Variants in PTN observed in about 807,000 individuals in gnomAD.
The protein encoded by PTN is heparin affin regulatory protein.
In PTN, 18 loss-of-function variants were observed where a neutral mutation model predicts 24.1. The observed-to-expected ratio is 0.75, with a 90% CI of 0.52 to 1.11. PTN has a LOEUF of 1.11. PTN is among the 50% of genes least tolerant of loss of function. The pLI is 0.00. For synonymous variants in PTN, 78 were observed against 68.6 expected (o/e 1.14, Z -0.67); for missense variants, 163 against 198.8 (o/e 0.82, Z 1.08).
intron 1 of PTN, among the ~76,000 whole-genome samples, chr7:137,310,744 A>T (rs1253837564): frequency 6.6e-6 from 1 of 152,118 alleles, no homozygotes; most frequent in Non-Finnish European, 1.5e-5. Flanking sequence ...AAAATGTGTT[A>T]TTTAGTGTAG....
chr7:137,295,998 A>T (rs1809712465), intron 1 of PTN, among the ~76,000 whole-genome samples: 1 of 152,040 alleles, frequency 6.6e-6, no homozygotes, highest in South Asian at 2.1e-4. Context: ...CAAGATTCAA[A>T]AGCCTGGGTA....
intron 4 of PTN, among the ~76,000 whole-genome samples, chr7:137,237,106 C>T (rs931242091): frequency 6.6e-6 from 1 of 152,140 alleles, no homozygotes; most frequent in Admixed American, 6.6e-5. Context: ...GAACTCCTAA[C>T]CCTTGTATCT....
At chr7:137,289,473 A>T (rs1389310625) in intron 1 of PTN, among the ~76,000 whole-genome samples, 1 of 152,216 alleles carries the variant, frequency 6.6e-6, no homozygotes, top group Non-Finnish European at 1.5e-5. Flanking sequence ...TTCACAGATG[A>T]CATTAAGGTT....
intron 4 of PTN, among the ~76,000 whole-genome samples, chr7:137,249,431 T>C (rs2054384220): frequency 6.6e-6 from 1 of 152,134 alleles, no homozygotes; most frequent in Admixed American, 6.5e-5. Context: ...CTACTGATGC[T>C]GATTGGGTTA....
At chr7:137,334,206 C>G (rs1269363242) in intron 1 of PTN, among the ~76,000 whole-genome samples, 4 of 148,294 alleles carry the variant, frequency 2.7e-5, no homozygotes, top group African/African-American at 9.9e-5. Context: ...TCTAATTAAA[C>G]TAAAGAGCTT....
intron 1 of PTN, among the ~76,000 whole-genome samples, chr7:137,311,746 G>T (rs1026985591): frequency 6.6e-6 from 1 of 152,116 alleles, no homozygotes; most frequent in Non-Finnish European, 1.5e-5. Flanking sequence ...ATCTTATACA[G>T]GTGTAGTTCA....
At chr7:137,281,074 T>C (rs1258701718) in intron 1 of PTN, among the ~76,000 whole-genome samples, 2 of 151,992 alleles carry the variant, frequency 1.3e-5, no homozygotes, top group Non-Finnish European at 2.9e-5. Flanking sequence ...ATAACATTGG[T>C]TTGGAGACTA....
In PTN at chr7:137,317,588, T is replaced by G. The variant is rs529395540; in HGVS notation, c.-2+25851A>C. 1.7e-4 allele frequency among the ~76,000 whole-genome samples: 26 copies of G among 152,322 alleles called. No homozygotes were observed. The East Asian group carries it at 4.2e-3, about 25-fold the overall frequency. On this transcript the variant is annotated intron_variant, in intron 1 of 4. Transcript: ENST00000348225. ...CCTTTTCATCCCAGAAACTGTAAAA[T>G]GTTCTCATCCTACAGCATTTGTTGT...
intron 1 of PTN, among the ~76,000 whole-genome samples, chr7:137,316,159 C>T (rs1012582071): frequency 3.3e-5 from 5 of 152,166 alleles, no homozygotes; most frequent in South Asian, 2.1e-4. Context: ...GCCGTTGTTG[C>T]TCTCAAGGCA....
intron 4 of PTN, among the ~76,000 whole-genome samples, chr7:137,243,874 G>A (rs1808676160): frequency 6.6e-6 from 1 of 152,168 alleles, no homozygotes; most frequent in African/African-American, 2.4e-5. Context: ...TCAGTGACAT[G>A]TGGTGTGAGT....
chr7:137,337,654 CA>C (rs1344677162), intron 1 of PTN, among the ~76,000 whole-genome samples: 2 of 152,060 alleles, frequency 1.3e-5, no homozygotes, highest in African/African-American at 4.8e-5. Flanking sequence ...TTAAAATTAT[CA>C]AGGTGAAATA....
intron 4 of PTN, among the ~76,000 whole-genome samples, chr7:137,247,098 T>C (rs1262061812): frequency 1.3e-5 from 2 of 152,200 alleles, no homozygotes; most frequent in East Asian, 3.9e-4. Flanking sequence ...ATGTACTCTT[T>C]CCTGAAGGAA....
rs182843736 is a variant in PTN, at chr7:137,315,103, G to C, written c.-2+28336C>G. On this transcript the variant is annotated intron_variant, in intron 1 of 4. Transcript: ENST00000348225. Reference sequence around the variant, plus strand: ...ATAGATAGGATAGAGGGATTGGTTTGGCTGTGTTCTCGGGCTTGACGGTGA... The same window carrying C: ...ATAGATAGGATAGAGGGATTGGTTTCGCTGTGTTCTCGGGCTTGACGGTGA... Among the ~76,000 whole-genome samples the C allele has an allele frequency of 1.0e-3, 157 of 152,268 alleles. 6 individuals are homozygous for C. Among genetic ancestry groups the C allele is most frequent in the South Asian group, 6.4e-3 (31 of 4,818 alleles).
At chr7:137,322,850 T>A (rs1343439186) in intron 1 of PTN, among the ~76,000 whole-genome samples, 1 of 152,192 alleles carries the variant, frequency 6.6e-6, no homozygotes, top group Middle Eastern at 3.2e-3. Flanking sequence ...CAAGAATCCA[T>A]TAAAGTGAGT....
intron 1 of PTN, among the ~76,000 whole-genome samples, chr7:137,262,704 CA>C (rs1203650324): frequency 6.6e-6 from 1 of 152,136 alleles, no homozygotes; most frequent in African/African-American, 2.4e-5. Flanking sequence ...TTGAGCAAGC[CA>C]GGGGGTATGT....
chr7:137,281,101 T>C (rs1809466637), intron 1 of PTN, among the ~76,000 whole-genome samples: 1 of 152,208 alleles, frequency 6.6e-6, no homozygotes, highest in Middle Eastern at 3.4e-3. Context: ...GACTACTGGA[T>C]AGCCTGTGTG....
At chr7:137,266,539 A>AT (rs74183662) in intron 1 of PTN, among the ~76,000 whole-genome samples, 40 of 151,388 alleles carry the variant, frequency 2.6e-4, no homozygotes, top group South Asian at 8.4e-4. Context: ...TATTACAAAC[A>AT]TTTTTTTTTA....
At chr7:137,285,645 A>G (rs1247951768) in intron 1 of PTN, among the ~76,000 whole-genome samples, 1 of 152,192 alleles carries the variant, frequency 6.6e-6, no homozygotes, top group Non-Finnish European at 1.5e-5. Context: ...ACTCCAGCCT[A>G]GGCAACAGAG....
chr7:137,311,296 G>C (rs1809978800), intron 1 of PTN, among the ~76,000 whole-genome samples: 1 of 149,346 alleles, frequency 6.7e-6, no homozygotes, highest in Admixed American at 6.7e-5. Context: ...GCTTTGGATT[G>C]AAAAAAAATG....
Sources: allele counts gnomAD v4.1 joint callset (sites outside exome capture counted in the v4.1 genomes callset), GRCh38; gene constraint gnomAD v4.1.1; transcripts MANE v1.5; gene names NCBI Gene and HGNC (gene_info 2026-07-23, HGNC 2026-07-21).